Variants in PRKN observed in about 807,000 individuals in gnomAD.
PRKN encodes parkin RBR E3 ubiquitin protein ligase.
Under a neutral mutation model 59.5 loss-of-function variants are expected in PRKN, and 56 were observed. The observed-to-expected ratio is 0.94, with a 90% CI of 0.76 to 1.18. The LOEUF (loss-of-function observed/expected upper bound fraction) is 1.18, where lower values mean the gene tolerates loss of function less well. Among genes scored for constraint, PRKN ranks in the 50% most tolerant of loss-of-function variants. The probability of loss-of-function intolerance (pLI) is 0.00; values close to 1 mark genes in which losing one functional copy is unlikely to be tolerated. For synonymous variants in PRKN, 250 were observed against 222.1 expected, an observed-to-expected ratio of 1.13 and a Z score of -1.12; for missense variants, 657 against 596.4, an observed-to-expected ratio of 1.10 and a Z score of -1.06.
At chr6:162,194,132 G>A (rs755613569) in intron 4 of PRKN, among the ~76,000 whole-genome samples, 20 of 152,104 alleles carry the variant, frequency 1.3e-4, no homozygotes, top group Non-Finnish European at 2.4e-4. Flanking sequence ...TGAAGTTTAG[G>A]TTATATTTAT....
chr6:162,400,333 A>G (rs1181741032), intron 2 of PRKN, among the ~76,000 whole-genome samples: 2 of 152,046 alleles, frequency 1.3e-5, no homozygotes, highest in Non-Finnish European at 2.9e-5. Flanking sequence ...ACTTATTAAA[A>G]TGATCAGTTT....
At chr6:161,657,473 G>T (rs1432983003) in intron 7 of PRKN, among the ~76,000 whole-genome samples, 1 of 152,116 alleles carries the variant, frequency 6.6e-6, no homozygotes, top group Non-Finnish European at 1.5e-5. Flanking sequence ...CTCTCCACCC[G>T]CACCCACAGG....
intron 4 of PRKN, among the ~76,000 whole-genome samples, chr6:162,169,982 G>A (rs1002812151): frequency 1.3e-5 from 2 of 152,148 alleles, no homozygotes; most frequent in African/African-American, 2.4e-5. Context: ...ATATCCTCGA[G>A]TAGGAAAATG....
chr6:162,449,615 A>G (rs1790495437), intron 1 of PRKN, among the ~76,000 whole-genome samples: 1 of 151,970 alleles, frequency 6.6e-6, no homozygotes, highest in South Asian at 2.1e-4. Context: ...TTACCTGCAT[A>G]CTCATTTAGC....
At chr6:161,785,535 G>T (rs750118770) in intron 7 of PRKN, among the ~76,000 whole-genome samples, 1 of 152,110 alleles carries the variant, frequency 6.6e-6, no homozygotes, top group Non-Finnish European at 1.5e-5. Flanking sequence ...GAATAATATT[G>T]ACAAACTTAT....
At chr6:162,662,674 T>C (rs986128329) in intron 1 of PRKN, among the ~76,000 whole-genome samples, 6 of 152,174 alleles carry the variant, frequency 3.9e-5, no homozygotes, top group Admixed American at 2.6e-4. Context: ...ATTTATTGAA[T>C]AGGGTGTCCT....
chr6:161,792,925 C>G (rs1790694924), intron 6 of PRKN, among the ~76,000 whole-genome samples: 1 of 152,182 alleles, frequency 6.6e-6, no homozygotes, highest in Non-Finnish European at 1.5e-5. Context: ...TGACTGAAAT[C>G]TCAGAGACCA....
chr6:162,139,789 T>C lies in PRKN; in HGVS notation c.534+61342A>G, dbSNP rs1562535989. ...AAATGAAGTATCTGTAGGTACCAGT[T>C]GATCTGAAATGGCCCACTCCAACGA... On this transcript the variant is annotated intron_variant, in intron 4 of 11. Transcript: ENST00000366898. Among the ~76,000 whole-genome samples the C allele has an allele frequency of 2.6e-5, 4 of 152,016 alleles. No homozygotes were observed. In the South Asian group the frequency reaches 8.3e-4, roughly 31 times the overall value.
chr6:161,652,168 T>C (rs908790980), intron 7 of PRKN, among the ~76,000 whole-genome samples: 4 of 152,192 alleles, frequency 2.6e-5, no homozygotes, highest in African/African-American at 9.7e-5. Flanking sequence ...CAATCACTCA[T>C]AGCAAGAAAC....
chr6:162,541,253 G>A (rs1321682509), intron 1 of PRKN, among the ~76,000 whole-genome samples: 1 of 152,226 alleles, frequency 6.6e-6, no homozygotes, highest in African/African-American at 2.4e-5. Flanking sequence ...ATGGTGATGA[G>A]TGCGTGGTGC....
At chr6:161,733,798 G>GTA (rs10597402) in intron 7 of PRKN, among the ~76,000 whole-genome samples, 21,372 of 121,884 alleles carry the variant, frequency 0.18, 2,302 homozygotes, top group East Asian at 0.42. Flanking sequence ...ATATATATAT[G>GTA]TATATATATA....
At position 161,545,098 on chromosome 6, in the gene PRKN, A is replaced by C; in HGVS notation, c.1083+3756T>G. ...CTAGCTCCGAACAATTTTAAATCCC[A>C]CAAATGACAGAGAATTTGGTTTTCA... On this transcript the variant is annotated intron_variant, in intron 9 of 11. Transcript: ENST00000366898. This position sits in a 1 kb window ranked among gnomAD's most constrained non-coding sequence, Gnocchi z 4.1. 8.3e-7 allele frequency: 1 copy of C among 1,201,550 alleles called. No homozygotes were observed. Among genetic ancestry groups the C allele is most frequent in the African/African-American group, 1.6e-5 (1 of 63,730 alleles). The allele number at this position is 1,201,550 out of a possible 1,614,324, so 74.4% of individuals were successfully genotyped here.
chr6:162,725,178 C>G (rs904562838), intron 1 of PRKN, among the ~76,000 whole-genome samples: 1 of 152,190 alleles, frequency 6.6e-6, no homozygotes, highest in South Asian at 2.1e-4. Context: ...CTCATACTCC[C>G]GAATCCCGCA....
rs1403698889 is a variant in PRKN at position 161,549,142 on chromosome 6, A to G, written c.934-139T>C. The G allele has an allele frequency of 9.8e-6, 8 of 819,506 alleles. No individual in the cohort carries two copies. Among genetic ancestry groups the G allele is most frequent in the African/African-American group, 3.5e-5 (2 of 57,676 alleles). 50.8% of individuals were successfully genotyped at this position (819,506 alleles called of 1,614,324 possible). A position where few individuals can be genotyped will look rare whatever the true frequency, so the allele number is the denominator to read the frequency against. ...CATGTGTGTGTGTGTGTGTGTGTGT[A>G]GGGGGAGGGAGAGGGCCACGGGGTT... On this transcript the variant is annotated intron_variant, in intron 8 of 11. Transcript: ENST00000366898. This position sits in a 1 kb window ranked among gnomAD's most constrained non-coding sequence, Gnocchi z 6.0.
chr6:161,409,116 T>C lies in PRKN; in HGVS notation c.1084-22239A>G, dbSNP rs1787409705. Among the ~76,000 whole-genome samples, 1 of 151,840 alleles carries C rather than the reference T, an allele frequency of 6.6e-6. No homozygotes were observed. The highest frequency in any genetic ancestry group is 2.1e-4 in the South Asian group (1 of 4,776). On this transcript the variant is annotated intron_variant, in intron 9 of 11. Transcript: ENST00000366898. This position sits in a 1 kb window ranked among gnomAD's most constrained non-coding sequence, Gnocchi z 4.6. Reference sequence around the variant, plus strand: ...TCCCATCACCATGCCCAGCTAATTTTTGTACTTTTAGTAGAGATGGGGTTT... The same window carrying C: ...TCCCATCACCATGCCCAGCTAATTTCTGTACTTTTAGTAGAGATGGGGTTT...
At position 161,445,434 on chromosome 6, in the gene PRKN, C is replaced by G. The variant is rs1241223814; in HGVS notation, c.1084-58557G>C. The stretch of plus-strand genomic sequence containing the variant: ...AGAGGAGCTGAGAGCTGAGGCCCAC[C>G]CTCCCCTTTCTCCTACACATGGACA... On this transcript the variant is annotated intron_variant, in intron 9 of 11. Transcript: ENST00000366898. This position sits in a 1 kb window ranked among gnomAD's most constrained non-coding sequence, Gnocchi z 7.7. 1.3e-5 allele frequency among the ~76,000 whole-genome samples: 2 copies of G among 152,108 alleles called. No individual in the cohort carries two copies. Among genetic ancestry groups the G allele is most frequent in the African/African-American group, 4.8e-5 (2 of 41,422 alleles).
At chr6:162,617,671 A>C (rs1782487469) in intron 1 of PRKN, among the ~76,000 whole-genome samples, 7 of 152,136 alleles carry the variant, frequency 4.6e-5, no homozygotes, top group Admixed American at 4.6e-4. Flanking sequence ...CAGCATTTTT[A>C]GATTCCACAT....
chr6:161,797,348 C>A (rs1790893677), intron 6 of PRKN, among the ~76,000 whole-genome samples: 1 of 152,174 alleles, frequency 6.6e-6, no homozygotes, highest in Non-Finnish European at 1.5e-5. Flanking sequence ...CTCACTGCAA[C>A]CTCTGCCTCC....
Position 161,348,079 on chromosome 6 carries a change from G to A in PRKN, c.*2020C>T, listed in dbSNP as rs1200101120. 3 of 186,752 alleles carry A rather than the reference G, an allele frequency of 1.6e-5. No individual in the cohort carries two copies. Among genetic ancestry groups the A allele is most frequent in the East Asian group, 8.5e-5 (1 of 11,780 alleles). 11.6% of individuals were successfully genotyped at this position (186,752 alleles called of 1,614,324 possible). A position where few individuals can be genotyped will look rare whatever the true frequency, so the allele number is the denominator to read the frequency against. On this transcript the variant is annotated 3_prime_UTR_variant, in exon 12 of 12. Coordinates refer to ENST00000366898, the MANE Select transcript of PRKN (RefSeq NM_004562.3). The surrounding 1 kb of genome is among the most constrained non-coding windows in gnomAD (Gnocchi z 4.9). ...CTTGTTCAGGCACCGCAAGCCCAAC[G>A]CAGCATGCAGATTGGGAAGGCGCAA...
Sources: allele counts gnomAD v4.1 joint callset (sites outside exome capture counted in the v4.1 genomes callset), GRCh38; gene constraint gnomAD v4.1.1; non-coding constraint Gnocchi (gnomAD v3.1); transcripts MANE v1.5; gene names NCBI Gene and HGNC (gene_info 2026-07-23, HGNC 2026-07-21).